The following SPINK5 variants were observed in gnomAD, a reference collection of about 807,000 sequenced individuals.
SPINK5 encodes serine protease inhibitor Kazal-type 5.
A neutral mutation model predicts 151.8 loss-of-function variants in SPINK5; 125 were observed. The observed-to-expected ratio is 0.82, with a 90% CI of 0.71 to 0.96. The LOEUF (loss-of-function observed/expected upper bound fraction) is 0.96, where lower values mean the gene tolerates loss of function less well. Ranked by LOEUF, SPINK5 falls within the 40% of genes least tolerant of loss-of-function variation. The pLI is 0.00. For synonymous variants in SPINK5, 374 were observed against 395.3 expected, an observed-to-expected ratio of 0.95 and a Z score of 0.64; for missense variants, 1,194 against 1,291.9, an observed-to-expected ratio of 0.92 and a Z score of 1.16.
intron 19 of SPINK5, 67 bp from the exon 20 acceptor site, chr5:148,112,801 A>C (rs370195473): frequency 2.2e-5 from 36 of 1,604,436 alleles, no homozygotes; most frequent in Non-Finnish European, 2.9e-5. Flanking sequence ...ATGTAGAGAC[A>C]TTTCTCCTTT....
At chr5:148,110,108 C>T (rs1276548922) in intron 18 of SPINK5, among the ~76,000 whole-genome samples, 2 of 152,140 alleles carry the variant, frequency 1.3e-5, no homozygotes, top group Non-Finnish European at 2.9e-5. Context: ...TAAGGTCCTA[C>T]AGTTAACATC....
chr5:148,081,104 C>T (rs1753007775), intron 4 of SPINK5, among the ~76,000 whole-genome samples: 1 of 151,540 alleles, frequency 6.6e-6, no homozygotes, highest in African/African-American at 2.4e-5. Context: ...TGATTATAAT[C>T]ACAAAGACAG....
At chr5:148,101,748 C>A in intron 14 of SPINK5, 33 bp from the exon 15 acceptor site, 2 of 1,613,392 alleles carry the variant, frequency 1.2e-6, no homozygotes, top group South Asian at 2.2e-5. Flanking sequence ...AGCCTATGTT[C>A]AACACTTTCA....
At chr5:148,135,597 C>T (rs1391148147) in intron 32 of SPINK5, among the ~76,000 whole-genome samples, 3 of 152,124 alleles carry the variant, frequency 2.0e-5, no homozygotes, top group Non-Finnish European at 2.9e-5. Context: ...CAAAAATTAA[C>T]GTGTCCTGGA....
Position 148,127,049 on chromosome 5 carries a change from G to GCTTCT in SPINK5, c.2934_2935insCTTCT (p.Glu979LeufsTer26). ...CATCCCATGTTAGAGCTTCTCAAGA[G>GCTTCT]GAAGACAGCCCAGACTCTTTCAGTT... On this transcript the variant is annotated frameshift_variant, in exon 30 of 33. Transcript: ENST00000256084. LOFTEE classifies it high-confidence loss of function. 1 of 1,613,692 alleles carries GCTTCT rather than the reference G, an allele frequency of 6.2e-7. No homozygotes were observed. Among genetic ancestry groups the GCTTCT allele is most frequent in the Non-Finnish European group, 8.5e-7 (1 of 1,179,832 alleles).
chr5:148,107,215 CCT>C lies in SPINK5; in HGVS notation c.1607+52_1607+53del, dbSNP rs58761763. Reference sequence around the variant, plus strand: ...CTGAATTTCTTCATCCATGATCGCCCCTGAGTCTCAGATCCTTCATGCATGTG... The same window carrying C: ...CTGAATTTCTTCATCCATGATCGCCCGAGTCTCAGATCCTTCATGCATGTG... On this transcript the variant is annotated intron_variant, in intron 17 of 32. Coordinates refer to ENST00000256084, the MANE Select transcript of SPINK5 (RefSeq NM_006846.4). 123,129 of 1,601,730 alleles carry C rather than the reference CCT, an allele frequency of 0.077. 6,606 individuals are homozygous for C. The highest frequency in any genetic ancestry group is 0.26 in the East Asian group (11,703 of 44,244).
rs970131108 is a variant in SPINK5, at chr5:148,117,671, AT to A, written c.2113-758del. Among the ~76,000 whole-genome samples, 6 of 151,978 alleles carry A rather than the reference AT, an allele frequency of 3.9e-5. 1 individual carries two copies. Among genetic ancestry groups the A allele is most frequent in the African/African-American group, 1.2e-4 (5 of 41,380 alleles). ...AATTTCCCAGGTCCACTTGTACTTA[AT>A]TTTTTTTCAACCAAACTTAGATAAA... On this transcript the variant is annotated intron_variant, in intron 22 of 32. Coordinates refer to ENST00000256084, the MANE Select transcript of SPINK5 (RefSeq NM_006846.4).
Position 148,118,473 on chromosome 5 carries a change from G to A in SPINK5, c.2149G>A (p.Gly717Arg). The A allele has an allele frequency of 1.2e-6, 2 of 1,614,138 alleles. No individual in the cohort carries two copies. Among genetic ancestry groups the A allele is most frequent in the Non-Finnish European group, 1.7e-6 (2 of 1,180,010 alleles). Residue 717 changes from glycine to arginine, a missense_variant, in exon 23 of 33, where the codon GGA becomes AGA. Transcript: ENST00000256084. Reference protein sequence around the residue: ...CAEYREQMKNGRLSCTRESDP... With the variant: ...CAEYREQMKNRRLSCTRESDP... Reference sequence around the variant, plus strand: ...TGAGTATCGGGAACAAATGAAAAATGGAAGACTCAGCTGTACTCGGGAGAG... The same window carrying A: ...TGAGTATCGGGAACAAATGAAAAATAGAAGACTCAGCTGTACTCGGGAGAG...
chr5:148,094,813 G>C (rs115812194), intron 9 of SPINK5, among the ~76,000 whole-genome samples: 1,563 of 151,974 alleles, frequency 0.01, 18 homozygotes, highest in Middle Eastern at 0.031. Flanking sequence ...CCACGACTTC[G>C]ATTGTTTTTC....
chr5:148,068,702 T>TTTG (rs1752655883), intron 2 of SPINK5, among the ~76,000 whole-genome samples: 1 of 152,048 alleles, frequency 6.6e-6, no homozygotes, highest in Admixed American at 6.6e-5. Context: ...AAGCAAAAGC[T>TTTG]TTGTTTATTT....
intron 28 of SPINK5, chr5:148,125,402 C>T: frequency 1.2e-6 from 1 of 833,050 alleles, no homozygotes; most frequent in South Asian, 1.5e-5. Context: ...GATCCCTGAG[C>T]AATTGTCCTT....
intron 10 of SPINK5, among the ~76,000 whole-genome samples, chr5:148,097,067 C>A (rs1051922696): frequency 6.6e-6 from 1 of 151,542 alleles, no homozygotes; most frequent in African/African-American, 2.4e-5. Flanking sequence ...TTTCCTTTCT[C>A]CTTTTTCTTT....
rs765699942 is a variant in SPINK5 at position 148,104,979 on chromosome 5, G to A, written c.1458G>A (p.Lys486=). 3 of 1,613,970 alleles carry A rather than the reference G, an allele frequency of 1.9e-6. No homozygotes were observed. Among genetic ancestry groups the A allele is most frequent in the East Asian group, 2.2e-5 (1 of 44,848 alleles). Reference sequence around the variant, plus strand: ...AACAAGAAGAAAGAGCAAGAGCAAAGGCTAAAAGAGAAGCTGCAAAGGTAA... The same window carrying A: ...AACAAGAAGAAAGAGCAAGAGCAAAAGCTAAAAGAGAAGCTGCAAAGGTAA... ...FFQQEERARA[K]AKREAAKEIC... The change falls in exon 16 of 33, where the codon AAG becomes AAA. Residue 486 remains lysine (K), a synonymous_variant. Transcript: ENST00000256084.
At chr5:148,082,613 T>C (rs1485420830) in intron 4 of SPINK5, among the ~76,000 whole-genome samples, 1 of 40,904 alleles carries the variant, frequency 2.4e-5, no homozygotes, top group Non-Finnish European at 4.1e-5. Flanking sequence ...TTTTTTTTTT[T>C]TTTTTTTTTT....
intron 13 of SPINK5, 58 bp from the exon 14 acceptor site, chr5:148,101,297 C>A: frequency 8.1e-7 from 1 of 1,231,924 alleles, no homozygotes; most frequent in Non-Finnish European, 1.2e-6. Context: ...TTTGAGATCA[C>A]TTCTAATGTG....
At chr5:148,069,550 C>T (rs1035076017) in intron 2 of SPINK5, among the ~76,000 whole-genome samples, 2 of 151,996 alleles carry the variant, frequency 1.3e-5, no homozygotes, top group Non-Finnish European at 2.9e-5. Flanking sequence ...CATAGATTCA[C>T]AAGGTTTGAT....
At chr5:148,095,108 A>G (rs6580520) in intron 9 of SPINK5, among the ~76,000 whole-genome samples, 106,087 of 151,836 alleles carry the variant, frequency 0.7, 38,064 homozygotes, top group African/African-American at 0.86. Context: ...ATTACATTTC[A>G]GATTATCTTT....
chr5:148,098,061 T>A, intron 11 of SPINK5, 67 bp downstream of exon 11: 3 of 1,463,658 alleles, frequency 2.0e-6, no homozygotes, highest in Non-Finnish European at 2.8e-6. Flanking sequence ...AGAAACAGCT[T>A]CTTTCATAGA....
chr5:148,086,126 G>A (rs1202333668), intron 4 of SPINK5, among the ~76,000 whole-genome samples: 2 of 151,846 alleles, frequency 1.3e-5, no homozygotes, highest in Non-Finnish European at 2.9e-5. Context: ...TTGGACAGAC[G>A]AACAACATGC....
Sources: gnomAD v4.1 joint callset for allele counts (sites outside exome capture counted in the v4.1 genomes callset) on GRCh38, gnomAD v4.1.1 for gene constraint, MANE v1.5 for transcripts, NCBI Gene and HGNC (gene_info 2026-07-23, HGNC 2026-07-21) for gene names.